CNTN2: variants seen among roughly 807,000 people sequenced by gnomAD.
CNTN2 encodes the protein contactin-2.
A neutral mutation model predicts 117.5 loss-of-function variants in CNTN2; 53 were observed. The observed-to-expected ratio is 0.45, with a 90% CI of 0.36 to 0.57. The LOEUF is 0.57. Among genes scored for constraint, CNTN2 ranks in the 20% least tolerant of loss-of-function variants. The pLI, the probability that CNTN2 is intolerant of heterozygous loss-of-function variation, is 0.00. For missense variants in CNTN2, 1,106 were observed against 1,404.3 expected (o/e 0.79, Z 3.39); for synonymous variants, 530 against 561.7 (o/e 0.94, Z 0.80).
Position 205,061,659 on chromosome 1 carries a change from A to C in CNTN2, c.974-206A>C. 1.2e-6 allele frequency: 1 copy of C among 810,746 alleles called. No individual in the cohort carries two copies. Among genetic ancestry groups the C allele is most frequent in the African/African-American group, 1.7e-5 (1 of 57,406 alleles). 50.2% of individuals were successfully genotyped at this position (810,746 alleles called of 1,614,324 possible). ...AGGCTCCAGAATGATTTAAGTTGCA[A>C]AAGCAGCCACTGGCACAGCCACAGA... On this transcript the variant is annotated intron_variant, in intron 8 of 22. Transcript: ENST00000331830. This position sits in a 1 kb window ranked among gnomAD's most constrained non-coding sequence, Gnocchi z 4.8.
rs1018229343 is a variant in CNTN2, at chr1:205,074,050, G to A, written c.*285G>A. 3.6e-5 allele frequency: 21 copies of A among 577,240 alleles called. No homozygotes were observed. Among genetic ancestry groups the A allele is most frequent in the Admixed American group, 1.8e-4 (6 of 33,578 alleles). The allele number at this position is 577,240 out of a possible 1,614,324, so 35.8% of individuals were successfully genotyped here. A position where few individuals can be genotyped will look rare whatever the true frequency, so the allele number is the denominator to read the frequency against. On this transcript the variant is annotated 3_prime_UTR_variant, in exon 23 of 23. Coordinates refer to ENST00000331830, the MANE Select transcript of CNTN2 (RefSeq NM_005076.5). ...TAGGCTGCCTGGAGGGAAGGAACAGGCCCATGGGAAGAAGGGGGTTTTAAA... is the reference window on the plus strand; with the variant it reads ...TAGGCTGCCTGGAGGGAAGGAACAGACCCATGGGAAGAAGGGGGTTTTAAA...
intron 1 of CNTN2, among the ~76,000 whole-genome samples, chr1:205,046,132 G>A (rs940763488): frequency 2.6e-5 from 4 of 152,236 alleles, no homozygotes; most frequent in Non-Finnish European, 5.9e-5. Flanking sequence ...GTATCCTGAC[G>A]GTAACCATCC....
chr1:205,064,126 AG>A (rs11329962), intron 10 of CNTN2, among the ~76,000 whole-genome samples, 195 bp from the exon 11 acceptor site: 51,358 of 93,334 alleles, frequency 0.55, 10,444 homozygotes, highest in East Asian at 0.9. Context: ...TGAGGGGCGG[AG>A]GGGGGGCGCG....
At position 205,065,216 on chromosome 1, in the gene CNTN2, C is replaced by T; in HGVS notation, c.1649C>T (p.Pro550Leu). 1 of 1,614,188 alleles carries T rather than the reference C, an allele frequency of 6.2e-7. No individual in the cohort carries two copies. The highest frequency in any genetic ancestry group is 8.5e-7 in the Non-Finnish European group (1 of 1,180,038). Reference protein sequence around the residue: ...LTFTWTLDDFPIDFDKPGGHY... With the variant: ...LTFTWTLDDFLIDFDKPGGHY... ...TTCACCTGGACCCTGGACGACTTCC[C>T]CATCGACTTTGATAAGCCTGGAGGG... The change falls in exon 13 of 23, where the codon CCC becomes CTC. Residue 550 changes from proline (P) to leucine (L), a missense_variant. Coordinates refer to ENST00000331830, the MANE Select transcript of CNTN2 (RefSeq NM_005076.5). The surrounding 1 kb of genome is among the most constrained non-coding windows in gnomAD (Gnocchi z 4.1).
intron 9 of CNTN2, chr1:205,062,222 G>A: frequency 1.2e-6 from 1 of 819,824 alleles, no homozygotes; most frequent in Non-Finnish European, 1.9e-6. Context: ...AAGAAGTGAT[G>A]TGGTCCTGAC....
rs745317577 is a variant in CNTN2, at chr1:205,073,540, C to T, written c.3014-116C>T. 5.3e-6 allele frequency: 5 copies of T among 937,842 alleles called. No homozygotes were observed. Among genetic ancestry groups the T allele is most frequent in the East Asian group, 5.3e-5 (2 of 38,078 alleles). The allele number at this position is 937,842 out of a possible 1,614,324, so 58.1% of individuals were successfully genotyped here. On this transcript the variant is annotated intron_variant, in intron 22 of 22. Coordinates refer to ENST00000331830, the MANE Select transcript of CNTN2 (RefSeq NM_005076.5). This position sits in a 1 kb window ranked among gnomAD's most constrained non-coding sequence, Gnocchi z 6.3. ...GGACTGAGAAGACCACCCAGCCGTC[C>T]GCTCCCAGGCCTGCAGCTGGCCCTG...
At position 205,067,269 on chromosome 1, in the gene CNTN2, C is replaced by A; in HGVS notation, c.2125+19C>A. On this transcript the variant is annotated intron_variant, in intron 16 of 22. Transcript: ENST00000331830. Reference sequence around the variant, plus strand: ...GAAGCAGGTGAGAGTCCTGTGTGTCCCAAAAAGCTATCATCAGGGCAGAGA... The same window carrying A: ...GAAGCAGGTGAGAGTCCTGTGTGTCACAAAAAGCTATCATCAGGGCAGAGA... 4 of 1,602,042 alleles carry A rather than the reference C, an allele frequency of 2.5e-6. No homozygotes were observed. The highest frequency in any genetic ancestry group is 2.2e-5 in the East Asian group (1 of 44,792).
At chr1:205,066,162 C>G in intron 14 of CNTN2, 1 of 615,170 alleles carries the variant, frequency 1.6e-6, no homozygotes, top group South Asian at 2.1e-5. Flanking sequence ...TTACTGAGCC[C>G]TGAAGTTTTC....
chr1:205,062,225 G>A (rs1463313783), intron 9 of CNTN2: 5 of 816,654 alleles, frequency 6.1e-6, no homozygotes, highest in African/African-American at 3.5e-5. Flanking sequence ...AAGTGATGTG[G>A]TCCTGACTGG....
At chr1:205,053,460 C>T (rs933313947) in intron 2 of CNTN2, among the ~76,000 whole-genome samples, 10 of 152,162 alleles carry the variant, frequency 6.6e-5, no homozygotes, top group Middle Eastern at 3.4e-3. Flanking sequence ...ATGTCTTTGC[C>T]ATATTATAGA....
chr1:205,058,037 GC>G lies in CNTN2; in HGVS notation c.190del (p.Arg64GlyfsTer12). On this transcript the variant is annotated frameshift_variant, in exon 3 of 23. Transcript: ENST00000331830. LOFTEE classifies it high-confidence loss of function. The surrounding 1 kb of genome is among the most constrained non-coding windows in gnomAD (Gnocchi z 4.3). The part of the protein sequence containing the change: ...TEEQVLLACR[A>X]RASPPATYRW... The stretch of plus-strand genomic sequence containing the variant: ...GGAGCAGGTGTTGCTGGCATGCCGC[GC>G]CCGGGCCAGCCCTCCAGCCACCTAT... 3.1e-6 allele frequency: 5 copies of G among 1,613,726 alleles called. No individual in the cohort carries two copies. Among genetic ancestry groups the G allele is most frequent in the Non-Finnish European group, 4.2e-6 (5 of 1,179,898 alleles).
chr1:205,045,843 G>T (rs556120506), intron 1 of CNTN2, among the ~76,000 whole-genome samples: 7 of 152,286 alleles, frequency 4.6e-5, no homozygotes, highest in African/African-American at 1.7e-4. Flanking sequence ...CTCTAAGGAT[G>T]GTGTGGAGAA....
chr1:205,072,874 T>C (rs749345500), intron 21 of CNTN2, 194 bp from the exon 22 acceptor site: 1 of 651,938 alleles, frequency 1.5e-6, no homozygotes, highest in Non-Finnish European at 2.6e-6. Context: ...GCTTAAGGAG[T>C]CTACGGAAAC....
intron 19 of CNTN2, among the ~76,000 whole-genome samples, chr1:205,071,717 C>T (rs1654601507): frequency 6.6e-6 from 1 of 152,196 alleles, no homozygotes; most frequent in African/African-American, 2.4e-5. Context: ...AGCTCCCTCC[C>T]TGACCCATGT....
rs1183769918 is a variant in CNTN2 at position 205,062,487 on chromosome 1, C to G, written c.1158C>G (p.Ser386Arg). Residue 386 changes from serine (S) to arginine (R), a missense_variant, in exon 10 of 23, where the codon AGC (serine) becomes AGG (arginine). Physicochemically the swap from Ser to Arg is moderately radical, Grantham distance 110. Coordinates refer to ENST00000331830, the MANE Select transcript of CNTN2 (RefSeq NM_005076.5). The stretch of plus-strand genomic sequence containing the variant: ...GGGACCTGCGGTTCTCCAAGCTGAG[C>G]CTGGAAGACTCGGGCATGTACCAGT... ...LAGDLRFSKLSLEDSGMYQCV... is the reference protein window; with the variant it reads ...LAGDLRFSKLRLEDSGMYQCV... The G allele has an allele frequency of 6.2e-7, 1 of 1,614,080 alleles. No homozygotes were observed. The highest frequency in any genetic ancestry group is 1.3e-5 in the African/African-American group (1 of 75,044).
Position 205,064,485 on chromosome 1 carries a change from C to A in CNTN2, c.1391+13C>A, listed in dbSNP as rs761450268. 3 of 1,601,656 alleles carry A rather than the reference C, an allele frequency of 1.9e-6. No individual in the cohort carries two copies. Among genetic ancestry groups the A allele is most frequent in the South Asian group, 1.1e-5 (1 of 90,170 alleles). On this transcript the variant is annotated intron_variant, in intron 11 of 22. Transcript: ENST00000331830. ...TCAACAGCAGCAGGTACCACCCACA[C>A]CCCACCCTGCACAGTTCCTGCTCCT...
intron 1 of CNTN2, among the ~76,000 whole-genome samples, chr1:205,050,871 G>A (rs1158534573): frequency 2.6e-5 from 4 of 152,182 alleles, no homozygotes; most frequent in South Asian, 4.1e-4. Flanking sequence ...CACCCGCCTC[G>A]GCCTCCCAAA....
At chr1:205,046,626 G>A (rs1328608238) in intron 1 of CNTN2, among the ~76,000 whole-genome samples, 1 of 152,212 alleles carries the variant, frequency 6.6e-6, no homozygotes, top group Non-Finnish European at 1.5e-5. Flanking sequence ...GGAGGAAGCT[G>A]TCTAGGAACT....
At chr1:205,057,865 G>T (rs1366810117) in intron 2 of CNTN2, 56 bp from the exon 3 acceptor site, 1 of 1,587,410 alleles carries the variant, frequency 6.3e-7, no homozygotes, top group South Asian at 1.1e-5. Flanking sequence ...AGCCCAAGAG[G>T]CCAGGCTCCA....
Sources: gnomAD v4.1 joint callset for allele counts (sites outside exome capture counted in the v4.1 genomes callset) on GRCh38, gnomAD v4.1.1 for gene constraint, Gnocchi (gnomAD v3.1) non-coding constraint, MANE v1.5 for transcripts, NCBI Gene and HGNC (gene_info 2026-07-23, HGNC 2026-07-21) for gene names.